The following PRKG1 variants were observed in gnomAD, a reference collection of about 807,000 sequenced individuals.
PRKG1 encodes the protein protein kinase cGMP-dependent 1.
Under a neutral mutation model 88.1 loss-of-function variants are expected in PRKG1, and 35 were observed. The observed-to-expected ratio is 0.40, with a 90% CI of 0.30 to 0.53. The LOEUF is 0.53. PRKG1 is among the 20% of genes least tolerant of loss of function. The pLI is 0.59. For missense variants in PRKG1, 540 were observed against 839.8 expected (o/e 0.64, Z 4.41); for synonymous variants, 303 against 292.5 (o/e 1.04, Z -0.37).
chr10:51,295,742 A>G (rs537395590), intron 2 of PRKG1, among the ~76,000 whole-genome samples: 157 of 152,222 alleles, frequency 1.0e-3, no homozygotes, highest in African/African-American at 3.8e-3. Context: ...ATGGACATCC[A>G]TATCTTATAC....
At chr10:51,547,907 G>A (rs1842479162) in intron 3 of PRKG1, among the ~76,000 whole-genome samples, 2 of 152,074 alleles carry the variant, frequency 1.3e-5, no homozygotes, top group South Asian at 4.1e-4. Context: ...GTTGGTGAAT[G>A]AATTATTGTT....
chr10:51,892,658 G>C (rs1347682694), intron 4 of PRKG1, among the ~76,000 whole-genome samples: 1 of 152,198 alleles, frequency 6.6e-6, no homozygotes, highest in Non-Finnish European at 1.5e-5. Flanking sequence ...CTCCCAAAGG[G>C]CGTTTGCTTG....
At chr10:51,831,665 A>T (rs1840008909) in intron 4 of PRKG1, among the ~76,000 whole-genome samples, 2 of 152,158 alleles carry the variant, frequency 1.3e-5, no homozygotes, top group African/African-American at 4.8e-5. Context: ...TCATGGCCCA[A>T]GATGGCTAAT....
chr10:51,478,198 G>A (rs993560573), intron 3 of PRKG1, among the ~76,000 whole-genome samples: 13 of 152,034 alleles, frequency 8.6e-5, no homozygotes, highest in African/African-American at 1.9e-4. Context: ...GACAAATTAC[G>A]AATAGATGGC....
intron 5 of PRKG1, among the ~76,000 whole-genome samples, chr10:52,038,792 C>T (rs940097951): frequency 1.4e-4 from 21 of 152,132 alleles, no homozygotes; most frequent in Non-Finnish European, 2.5e-4. Flanking sequence ...CTTCCCAGTC[C>T]GTGACCAGCG....
At chr10:52,012,832 A>G (rs2133173596) in intron 5 of PRKG1, among the ~76,000 whole-genome samples, 1 of 152,262 alleles carries the variant, frequency 6.6e-6, no homozygotes, top group Non-Finnish European at 1.5e-5. Context: ...AGACAAATGA[A>G]CTCATTTTCA....
At position 50,991,330 on chromosome 10, in the gene PRKG1, C is replaced by T; in HGVS notation, c.-49C>T. The T allele has an allele frequency of 6.7e-7, 1 of 1,497,660 alleles. No homozygotes were observed. The highest frequency in any genetic ancestry group is 8.9e-7 in the Non-Finnish European group (1 of 1,125,766). 92.8% of individuals were successfully genotyped at this position (1,497,660 alleles called of 1,614,324 possible). A position where few individuals can be genotyped will look rare whatever the true frequency, so the allele number is the denominator to read the frequency against. ...GTCCCAGCCGCCGCCGCCGCCGCCG[C>T]CGCCGCCGCCGCCCGAGAAAAAGTT... On this transcript the variant is annotated 5_prime_UTR_variant, in exon 1 of 18. Coordinates refer to the PRKG1 transcript ENST00000401604. This position sits in a 1 kb window ranked among gnomAD's most constrained non-coding sequence, Gnocchi z 4.5.
chr10:51,934,260 C>CT (rs368360092), intron 5 of PRKG1, among the ~76,000 whole-genome samples: 2 of 150,880 alleles, frequency 1.3e-5, no homozygotes, highest in Non-Finnish European at 3.0e-5. Context: ...ACATACCCCC[C>CT]CCCCAACACC....
At chr10:51,148,283 A>T (rs1845987796) in intron 1 of PRKG1, 3 of 984,642 alleles carry the variant, frequency 3.0e-6, no homozygotes, top group Non-Finnish European at 3.6e-6. Context: ...AAAATCATTT[A>T]TTGCTTCCCC....
At chr10:51,071,898 C>T (rs541945641), upstream of PRKG1, among the ~76,000 whole-genome samples, 1 of 152,264 alleles carries the variant, frequency 6.6e-6, no homozygotes, top group Admixed American at 6.5e-5. Context: ...TTTGTTTTCA[C>T]TTTAAAAATG....
chr10:51,606,993 G>A (rs1358171900), intron 3 of PRKG1, among the ~76,000 whole-genome samples: 6 of 152,172 alleles, frequency 3.9e-5, no homozygotes, highest in African/African-American at 1.4e-4. Context: ...TGGGAGGGTG[G>A]AGTATTACAG....
At chr10:51,708,762 G>A (rs1049206243) in intron 3 of PRKG1, among the ~76,000 whole-genome samples, 3 of 152,278 alleles carry the variant, frequency 2.0e-5, no homozygotes, top group African/African-American at 4.8e-5. Flanking sequence ...TGCTGGGGCC[G>A]GGTAGTCAGC....
At chr10:51,269,331 C>T (rs982164792) in intron 2 of PRKG1, among the ~76,000 whole-genome samples, 5 of 152,014 alleles carry the variant, frequency 3.3e-5, no homozygotes, top group Non-Finnish European at 5.9e-5. Context: ...CCTTAAATAA[C>T]TAAAAATAGA....
chr10:51,232,269 C>A (rs1353965176), intron 2 of PRKG1, among the ~76,000 whole-genome samples: 1 of 152,054 alleles, frequency 6.6e-6, no homozygotes, highest in Non-Finnish European at 1.5e-5. Flanking sequence ...GTTGGCAAAA[C>A]CTAACATATG....
intron 4 of PRKG1, among the ~76,000 whole-genome samples, chr10:51,843,999 T>C (rs1455458250): frequency 1.3e-5 from 2 of 152,210 alleles, no homozygotes; most frequent in Non-Finnish European, 2.9e-5. Context: ...TACATAGTAC[T>C]ATATTCATAG....
chr10:51,118,424 G>T (rs915103119), intron 1 of PRKG1, among the ~76,000 whole-genome samples: 1 of 152,090 alleles, frequency 6.6e-6, no homozygotes. Context: ...GGTTCTAAAA[G>T]TAATGTTTGA....
At chr10:51,303,056 C>A (rs1035208659) in intron 2 of PRKG1, among the ~76,000 whole-genome samples, 1 of 151,940 alleles carries the variant, frequency 6.6e-6, no homozygotes, top group Non-Finnish European at 1.5e-5. Context: ...CTGTTTCAAC[C>A]GGGTTAAGAT....
chr10:51,922,374 T>C (rs1220274459), intron 5 of PRKG1, among the ~76,000 whole-genome samples: 1 of 151,732 alleles, frequency 6.6e-6, no homozygotes, highest in Non-Finnish European at 1.5e-5. Context: ...TTCTCTACTG[T>C]GTTTTTGTTT....
At chr10:52,039,765 G>A (rs922239803) in intron 5 of PRKG1, among the ~76,000 whole-genome samples, 2 of 152,040 alleles carry the variant, frequency 1.3e-5, no homozygotes, top group Non-Finnish European at 2.9e-5. Context: ...ACTATATTTG[G>A]TATTAGCTCT....
Sources: allele counts gnomAD v4.1 joint callset (sites outside exome capture counted in the v4.1 genomes callset), GRCh38; gene constraint gnomAD v4.1.1; non-coding constraint Gnocchi (gnomAD v3.1); transcripts MANE v1.5; gene names NCBI Gene and HGNC (gene_info 2026-07-23, HGNC 2026-07-21).